NAALADL2: variants seen among roughly 807,000 people sequenced by gnomAD.
NAALADL2 encodes the protein inactive N-acetylated-alpha-linked acidic dipeptidase-like protein 2.
NAALADL2 carries 76 observed loss-of-function variants against 87.2 expected under a neutral mutation model. The observed-to-expected ratio is 0.87, with a 90% CI of 0.72 to 1.05. The LOEUF is 1.05. Among genes scored for constraint, NAALADL2 ranks in the 50% least tolerant of loss-of-function variants. NAALADL2 has a pLI of 0.00. For missense variants in NAALADL2, 1,089 were observed against 945.8 expected (o/e 1.15, Z -1.99); for synonymous variants, 354 against 331.0 (o/e 1.07, Z -0.75).
rs201192776 is a variant in NAALADL2, at chr3:174,770,846, A to C, written c.-9+33100A>C. Among the ~76,000 whole-genome samples, 198 of 104,996 alleles carry C rather than the reference A, an allele frequency of 1.9e-3. No individual in the cohort carries two copies. The East Asian group carries it at 0.035, about 19-fold the overall frequency. The allele number at this position is 104,996 out of a possible 152,430, so 68.9% of individuals were successfully genotyped here. A position where few individuals can be genotyped will look rare whatever the true frequency, so the allele number is the denominator to read the frequency against. ...CTGGGCGACAGCAAGACTCGGTCTAACAAAAAAAAAAAAGAAAAAAAAAGA... is the reference window on the plus strand; with the variant it reads ...CTGGGCGACAGCAAGACTCGGTCTACCAAAAAAAAAAAAGAAAAAAAAAGA... On this transcript the variant is annotated intron_variant, in intron 3 of 3. Transcript: ENST00000434257.
rs1383145473 is a variant in NAALADL2, at chr3:175,124,338, T to C, written c.545+27047T>C. Reference sequence around the variant, plus strand: ...TCACTGTTGTTGGTTCAGTTGATCATTGATGATGTCACAAACCCATGCACA... The same window carrying C: ...TCACTGTTGTTGGTTCAGTTGATCACTGATGATGTCACAAACCCATGCACA... On this transcript the variant is annotated intron_variant, in intron 2 of 13. Coordinates refer to ENST00000454872, the MANE Select transcript of NAALADL2 (RefSeq NM_207015.3). 3 of 152,020 alleles carry C rather than the reference T, an allele frequency of 2.0e-5. No individual in the cohort carries two copies. In the East Asian group the frequency reaches 5.8e-4, roughly 29 times the overall value. 9.4% of individuals were successfully genotyped at this position (152,020 alleles called of 1,614,324 possible).
intron 1 of NAALADL2, among the ~76,000 whole-genome samples, chr3:175,082,522 G>T (rs1006965213): frequency 6.6e-6 from 1 of 152,086 alleles, no homozygotes; most frequent in Non-Finnish European, 1.5e-5. Context: ...TTTTACTTAT[G>T]GCAATTTTGA....
At chr3:174,958,939 TA>T (rs1468213089) in intron 1 of NAALADL2, among the ~76,000 whole-genome samples, 1 of 152,080 alleles carries the variant, frequency 6.6e-6, no homozygotes, top group Non-Finnish European at 1.5e-5. Context: ...GTTTATGTAA[TA>T]ACTATCATTC....
At chr3:175,047,463 A>C (rs927128296) in intron 1 of NAALADL2, among the ~76,000 whole-genome samples, 1 of 152,156 alleles carries the variant, frequency 6.6e-6, no homozygotes, top group African/African-American at 2.4e-5. Flanking sequence ...GGTACACATA[A>C]ATGACAGATA....
Position 175,610,368 on chromosome 3 carries a change from A to G in NAALADL2, c.1801-16923A>G, listed in dbSNP as rs774206123. The stretch of plus-strand genomic sequence containing the variant: ...TGTCAATGACTGTGTTTTTTTTTAC[A>G]TGTTCAATGTACAGATAATGACCTG... On this transcript the variant is annotated intron_variant, in intron 10 of 13. Coordinates refer to ENST00000454872, the MANE Select transcript of NAALADL2 (RefSeq NM_207015.3). Among the ~76,000 whole-genome samples the G allele has an allele frequency of 6.8e-4, 103 of 151,800 alleles. 1 individual carries two copies. The highest frequency in any genetic ancestry group is 2.4e-4 in the Non-Finnish European group (16 of 67,918).
chr3:175,305,585 CA>C (rs1581342389), intron 4 of NAALADL2, among the ~76,000 whole-genome samples: 1 of 152,116 alleles, frequency 6.6e-6, no homozygotes, highest in East Asian at 1.9e-4. Flanking sequence ...TGCAATGGCA[CA>C]ATCTCGGCTC....
At chr3:174,966,335 T>G (rs1451241254) in intron 1 of NAALADL2, among the ~76,000 whole-genome samples, 1 of 152,192 alleles carries the variant, frequency 6.6e-6, no homozygotes, top group Non-Finnish European at 1.5e-5. Context: ...CCATGGTGCA[T>G]TCACATGATC....
chr3:175,077,469 A>G (rs1189924046), intron 1 of NAALADL2, among the ~76,000 whole-genome samples: 2 of 152,196 alleles, frequency 1.3e-5, no homozygotes, highest in Non-Finnish European at 2.9e-5. Context: ...TTGTGTTTCA[A>G]AATATGTATG....
intron 1 of NAALADL2, among the ~76,000 whole-genome samples, chr3:175,082,504 A>G (rs1580347636): frequency 6.6e-6 from 1 of 152,200 alleles, no homozygotes; most frequent in African/African-American, 2.4e-5. Context: ...CTGGGTAAAC[A>G]ATATCAGTTT....
chr3:175,373,140 C>G (rs1766701483), intron 5 of NAALADL2, among the ~76,000 whole-genome samples: 1 of 151,968 alleles, frequency 6.6e-6, no homozygotes, highest in Non-Finnish European at 1.5e-5. Context: ...TTTCCCTGTT[C>G]CATATTAATT....
At chr3:175,700,825 A>G (rs1215202651) in intron 11 of NAALADL2, among the ~76,000 whole-genome samples, 1 of 152,098 alleles carries the variant, frequency 6.6e-6, no homozygotes, top group Non-Finnish European at 1.5e-5. Context: ...TTCACATGTA[A>G]TGTATACTTA....
chr3:175,365,431 G>A (rs900271796), intron 5 of NAALADL2, among the ~76,000 whole-genome samples: 1 of 147,542 alleles, frequency 6.8e-6, no homozygotes, highest in African/African-American at 2.5e-5. Context: ...CAGACTATTA[G>A]TAAATTTTCT....
At chr3:174,788,539 G>A (rs1717080822) in intron 3 of NAALADL2, among the ~76,000 whole-genome samples, 1 of 152,064 alleles carries the variant, frequency 6.6e-6, no homozygotes, top group Non-Finnish European at 1.5e-5. Flanking sequence ...TCTTCCCTCT[G>A]TTTGTGTCCT....
At chr3:175,221,762 T>G (rs1560185100) in intron 2 of NAALADL2, among the ~76,000 whole-genome samples, 1 of 148,566 alleles carries the variant, frequency 6.7e-6, no homozygotes, top group Non-Finnish European at 1.5e-5. Flanking sequence ...TCAGTGGTTA[T>G]TTATTTATTT....
At chr3:174,657,551 C>T (rs188887350) in intron 2 of NAALADL2, among the ~76,000 whole-genome samples, 1 of 152,114 alleles carries the variant, frequency 6.6e-6, no homozygotes, top group Non-Finnish European at 1.5e-5. Context: ...CCTGTGCCCC[C>T]ACACATGCAC....
At chr3:175,631,494 TC>T (rs1727759750) in intron 11 of NAALADL2, among the ~76,000 whole-genome samples, 1 of 151,566 alleles carries the variant, frequency 6.6e-6, no homozygotes, top group Admixed American at 6.6e-5. Flanking sequence ...TTGGCACTTG[TC>T]TTTTTGATAT....
chr3:175,685,767 C>T (rs1045344290), intron 11 of NAALADL2, among the ~76,000 whole-genome samples: 3 of 152,126 alleles, frequency 2.0e-5, no homozygotes, highest in Admixed American at 2.0e-4. Context: ...AAGTCACTGT[C>T]CCAGGACAAT....
At position 174,698,097 on chromosome 3, in the gene NAALADL2, T is replaced by A. The variant is rs565820319; in HGVS notation, c.-114-39544T>A. Among the ~76,000 whole-genome samples, 59 of 151,984 alleles carry A rather than the reference T, an allele frequency of 3.9e-4. No homozygotes were observed. The East Asian group carries it at 0.011, about 28-fold the overall frequency. On this transcript the variant is annotated intron_variant, in intron 2 of 3. Transcript: ENST00000434257. Reference sequence around the variant, plus strand: ...AGAGCAAGACTCCGTCTCAAAAAAATAATAATAAATACCAATAAATATAAA... The same window carrying A: ...AGAGCAAGACTCCGTCTCAAAAAAAAAATAATAAATACCAATAAATATAAA...
At chr3:175,615,581 G>C (rs1044109646) in intron 10 of NAALADL2, among the ~76,000 whole-genome samples, 18 of 151,886 alleles carry the variant, frequency 1.2e-4, no homozygotes, top group African/African-American at 4.1e-4. Flanking sequence ...GTATTGGCCG[G>C]GCATGATGGC....
Sources: gnomAD v4.1 joint callset for allele counts (sites outside exome capture counted in the v4.1 genomes callset) on GRCh38, gnomAD v4.1.1 for gene constraint, MANE v1.5 for transcripts, NCBI Gene and HGNC (gene_info 2026-07-23, HGNC 2026-07-21) for gene names.